The following FGF12 variants were observed in gnomAD, a reference collection of about 807,000 sequenced individuals.
FGF12 encodes fibroblast growth factor 12B.
FGF12 carries 14 observed loss-of-function variants against 23.6 expected under a neutral mutation model. That is an observed-to-expected ratio of 0.59 (90% CI 0.39 to 0.93). The LOEUF (loss-of-function observed/expected upper bound fraction) is 0.93, where lower values mean the gene tolerates loss of function less well. Ranked by LOEUF, FGF12 falls within the 40% of genes least tolerant of loss-of-function variation. The pLI is 0.00. For missense variants in FGF12, 175 were observed against 217.8 expected (o/e 0.80, Z 1.24); for synonymous variants, 62 against 77.3 (o/e 0.80, Z 1.04).
At chr3:192,577,850 G>C (rs1712974938) in intron 2 of FGF12, among the ~76,000 whole-genome samples, 1 of 136,200 alleles carries the variant, frequency 7.3e-6, no homozygotes, top group Non-Finnish European at 1.5e-5. Flanking sequence ...ATTTATCCAA[G>C]AAGTCTTAAA....
chr3:192,623,408 A>T (rs1447236593), intron 2 of FGF12, among the ~76,000 whole-genome samples: 1 of 129,508 alleles, frequency 7.7e-6, no homozygotes, highest in African/African-American at 3.3e-5. Flanking sequence ...ATGCCAGTGT[A>T]AACTGCTACT....
At chr3:192,579,956 G>A (rs759944601) in intron 2 of FGF12, among the ~76,000 whole-genome samples, 3 of 152,094 alleles carry the variant, frequency 2.0e-5, no homozygotes, top group South Asian at 2.1e-4. Flanking sequence ...TTGAGGTAAC[G>A]TGCTTTTACT....
chr3:192,603,658 G>T (rs764300612), intron 2 of FGF12, among the ~76,000 whole-genome samples: 18 of 152,098 alleles, frequency 1.2e-4, no homozygotes, highest in Non-Finnish European at 2.5e-4. Flanking sequence ...TTTTATTAAA[G>T]ATTTCAAAAG....
chr3:192,665,337 G>A (rs1503591), intron 2 of FGF12, among the ~76,000 whole-genome samples: 75 of 152,222 alleles, frequency 4.9e-4, no homozygotes, highest in Non-Finnish European at 8.7e-4. Flanking sequence ...AAGTCGAAGC[G>A]AGAGAACAGA....
intron 2 of FGF12, among the ~76,000 whole-genome samples, chr3:192,581,349 T>C (rs1713126915): frequency 6.6e-6 from 1 of 151,714 alleles, no homozygotes; most frequent in African/African-American, 2.4e-5. Context: ...GAGGATGTCT[T>C]GAGCCCAGGA....
rs80313457 is a variant in FGF12, at chr3:192,321,798, G to T, written c.228+13563C>A. 2.0e-5 allele frequency among the ~76,000 whole-genome samples: 3 copies of T among 151,864 alleles called. No homozygotes were observed. In the East Asian group the frequency reaches 5.8e-4, roughly 29 times the overall value. On this transcript the variant is annotated intron_variant, in intron 4 of 5. Transcript: ENST00000445105. The stretch of plus-strand genomic sequence containing the variant: ...CATGATCAAAACCCTAAAAATGATG[G>T]GTATAGAAGGATCATATCTTGACAA...
intron 2 of FGF12, among the ~76,000 whole-genome samples, chr3:192,505,858 C>T (rs1724275392): frequency 6.6e-6 from 1 of 152,114 alleles, no homozygotes; most frequent in Non-Finnish European, 1.5e-5. Flanking sequence ...AAGTGTAGCT[C>T]TGGCGAAGAC....
chr3:192,240,987 T>C (rs889041316), intron 4 of FGF12, among the ~76,000 whole-genome samples: 26 of 152,282 alleles, frequency 1.7e-4, no homozygotes, highest in Non-Finnish European at 2.5e-4. Flanking sequence ...CACAGCAACA[T>C]TTAATTCTAG....
rs539346475 is a variant in FGF12, at chr3:192,403,942, A to G, written c.14-43404T>C. Reference sequence around the variant, plus strand: ...GAATACTGAAATATTTTGAATAACCATAATTTTTATAACAGCAGAAACAGG... The same window carrying G: ...GAATACTGAAATATTTTGAATAACCGTAATTTTTATAACAGCAGAAACAGG... On this transcript the variant is annotated intron_variant, in intron 2 of 5. Transcript: ENST00000445105. Among the ~76,000 whole-genome samples the G allele has an allele frequency of 2.0e-3, 303 of 152,314 alleles. 3 individuals are homozygous for G. Among genetic ancestry groups the G allele is most frequent in the Non-Finnish European group, 1.4e-3 (92 of 67,996 alleles).
At chr3:192,640,279 C>T (rs894246270) in intron 2 of FGF12, among the ~76,000 whole-genome samples, 1 of 151,970 alleles carries the variant, frequency 6.6e-6, no homozygotes, top group African/African-American at 2.4e-5. Context: ...GCTCTAGGAA[C>T]CATGTTACTA....
At chr3:192,208,831 C>T (rs552518121) in intron 4 of FGF12, among the ~76,000 whole-genome samples, 3 of 152,286 alleles carry the variant, frequency 2.0e-5, no homozygotes, top group Admixed American at 6.5e-5. Flanking sequence ...TCAGTTGCCA[C>T]GTGAGAGGTA....
At chr3:192,694,489 A>T (rs912622587) in intron 2 of FGF12, among the ~76,000 whole-genome samples, 11 of 152,134 alleles carry the variant, frequency 7.2e-5, no homozygotes, top group African/African-American at 2.7e-4. Context: ...TAATGGAAAC[A>T]ATCTACGTGT....
chr3:192,332,852 T>A (rs1717195643), intron 4 of FGF12, among the ~76,000 whole-genome samples: 1 of 152,088 alleles, frequency 6.6e-6, no homozygotes, highest in African/African-American at 2.4e-5. Flanking sequence ...AAATTGCTTT[T>A]CAAAGAAATT....
intron 4 of FGF12, among the ~76,000 whole-genome samples, chr3:192,233,848 T>C (rs1203432658): frequency 6.6e-6 from 1 of 152,152 alleles, no homozygotes; most frequent in Non-Finnish European, 1.5e-5. Context: ...AAAGATCACA[T>C]GGTTGTAGGT....
intron 2 of FGF12, among the ~76,000 whole-genome samples, chr3:192,410,101 CAG>C (rs1463451496): frequency 2.0e-5 from 3 of 152,048 alleles, no homozygotes; most frequent in African/African-American, 7.2e-5. Context: ...CCGCGGCAGC[CAG>C]AGTTCCTCCC....
At chr3:192,387,718 A>AATATAT (rs61165047) in intron 2 of FGF12, among the ~76,000 whole-genome samples, 10 of 147,562 alleles carry the variant, frequency 6.8e-5, no homozygotes, top group East Asian at 2.0e-4. Context: ...ACACACACAC[A>AATATAT]ATATATATAT....
At chr3:192,155,267 CG>C (rs1442407328) in intron 5 of FGF12, among the ~76,000 whole-genome samples, 3 of 152,164 alleles carry the variant, frequency 2.0e-5, no homozygotes, top group Non-Finnish European at 4.4e-5. Flanking sequence ...CAGAAATCAC[CG>C]GTCTTCTGCA....
chr3:192,546,102 C>T (rs933140380), intron 2 of FGF12, among the ~76,000 whole-genome samples: 4 of 152,164 alleles, frequency 2.6e-5, no homozygotes, highest in Non-Finnish European at 5.9e-5. Context: ...AAGAACATAA[C>T]TTTTGAGTCT....
intron 4 of FGF12, among the ~76,000 whole-genome samples, chr3:192,250,442 A>C (rs1020050657): frequency 5.9e-5 from 9 of 152,182 alleles, no homozygotes; most frequent in African/African-American, 2.2e-4. Flanking sequence ...TAACCACTTA[A>C]TATTTACACC....
Sources: allele counts gnomAD v4.1 joint callset (sites outside exome capture counted in the v4.1 genomes callset), GRCh38; gene constraint gnomAD v4.1.1; transcripts MANE v1.5; gene names NCBI Gene and HGNC (gene_info 2026-07-23, HGNC 2026-07-21).